Variants in PRRG4 observed in about 807,000 individuals in gnomAD.
PRRG4 encodes the protein proline rich and Gla domain 4.
In PRRG4, 12 loss-of-function variants were observed where a neutral mutation model predicts 20.0. The ratio of observed to expected loss-of-function variants is 0.60; its 90% confidence interval spans 0.38 to 0.97. The LOEUF (loss-of-function observed/expected upper bound fraction) is 0.97, where lower values mean the gene tolerates loss of function less well. Among genes scored for constraint, PRRG4 ranks in the 50% least tolerant of loss-of-function variants. The pLI is 0.00. For synonymous variants in PRRG4, 94 were observed against 96.4 expected, an observed-to-expected ratio of 0.98 and a Z score of 0.15; for missense variants, 199 against 265.1, an observed-to-expected ratio of 0.75 and a Z score of 1.73.
intron 3 of PRRG4, among the ~76,000 whole-genome samples, chr11:32,838,398 GTGAGCCA>G (rs1397651287): frequency 6.6e-6 from 1 of 151,906 alleles, no homozygotes; most frequent in African/African-American, 2.4e-5. Context: ...CAAGGCTGCA[GTGAGCCA>G]TGATCACACC....
intron 2 of PRRG4, among the ~76,000 whole-genome samples, chr11:32,833,179 A>C (rs1205709523): frequency 2.0e-5 from 3 of 152,246 alleles, no homozygotes; most frequent in African/African-American, 7.2e-5. Flanking sequence ...TGGCACCAAA[A>C]GTCAGTCAGT....
chr11:32,841,450 A>T (rs1851078045), intron 5 of PRRG4, among the ~76,000 whole-genome samples: 1 of 152,312 alleles, frequency 6.6e-6, no homozygotes, highest in East Asian at 1.9e-4. Flanking sequence ...TGACATGACA[A>T]TTAATGCAAT....
rs149288261 is a variant in PRRG4, at chr11:32,847,170, G to A, written c.450-6126G>A. 3.5e-3 allele frequency among the ~76,000 whole-genome samples: 536 copies of A among 151,912 alleles called. 6 individuals carry two copies. The highest frequency in any genetic ancestry group is 0.012 in the African/African-American group (515 of 41,434). On this transcript the variant is annotated intron_variant, in intron 5 of 5. Transcript: ENST00000257836. Reference sequence around the variant, plus strand: ...TTTATTTTTTTTGAGACAGAGTTTCGCTCTTGTTGCCCAGGCTGGAGTGCA... The same window carrying A: ...TTTATTTTTTTTGAGACAGAGTTTCACTCTTGTTGCCCAGGCTGGAGTGCA...
In PRRG4 at chr11:32,855,285, TG is replaced by T; in HGVS notation, c.*1761del. 6.6e-6 allele frequency: 1 copy of T among 152,226 alleles called. No individual in the cohort carries two copies. Among genetic ancestry groups the T allele is most frequent in the East Asian group, 1.9e-4 (1 of 5,186 alleles). 9.4% of individuals were successfully genotyped at this position (152,226 alleles called of 1,614,324 possible). On this transcript the variant is annotated 3_prime_UTR_variant, in exon 6 of 6. Coordinates refer to ENST00000257836, the MANE Select transcript of PRRG4 (RefSeq NM_024081.6). ...GTATATGCACACAAATTTATCTGGGTGGGTATGTAGGTATATGTGAGTTTGT... is the reference window on the plus strand; with the variant it reads ...GTATATGCACACAAATTTATCTGGGTGGTATGTAGGTATATGTGAGTTTGT...
rs572699924 is a variant in PRRG4 at position 32,842,979 on chromosome 11, G to A, written c.449+2740G>A. On this transcript the variant is annotated intron_variant, in intron 5 of 5. Coordinates refer to ENST00000257836, the MANE Select transcript of PRRG4 (RefSeq NM_024081.6). ...CAATTCCCCTGCCTCAGTCTCCTGA[G>A]TAGCTAGGATTACAGGCGTGTGCCA... 1.3e-3 allele frequency among the ~76,000 whole-genome samples: 201 copies of A among 151,892 alleles called. 2 individuals carry two copies. The highest frequency in any genetic ancestry group is 0.012 in the Admixed American group (181 of 15,236).
At chr11:32,839,051 A>G in intron 4 of PRRG4, 121 bp downstream of exon 4, 2 of 682,298 alleles carry the variant, frequency 2.9e-6, no homozygotes, top group Non-Finnish European at 5.2e-6. Context: ...ATCCAAGGAG[A>G]TTTCTCAACT....
intron 5 of PRRG4, among the ~76,000 whole-genome samples, chr11:32,842,078 G>A (rs1359564354): frequency 1.3e-5 from 2 of 152,102 alleles, no homozygotes; most frequent in Non-Finnish European, 2.9e-5. Context: ...ATAAAAATAG[G>A]CCTATAAGAA....
At chr11:32,844,190 G>A (rs903995564) in intron 5 of PRRG4, among the ~76,000 whole-genome samples, 37 of 152,090 alleles carry the variant, frequency 2.4e-4, no homozygotes, top group African/African-American at 7.7e-4. Context: ...CTAGCCGTTT[G>A]ACTTTGGAAA....
chr11:32,830,735 T>G (rs1850963031), intron 2 of PRRG4, 103 bp downstream of exon 2: 14 of 1,541,460 alleles, frequency 9.1e-6, no homozygotes, highest in Non-Finnish European at 1.2e-5. Flanking sequence ...ATAGAAACAC[T>G]AAAATATCCT....
intron 2 of PRRG4, among the ~76,000 whole-genome samples, chr11:32,832,463 G>A (rs1328865795): frequency 6.8e-6 from 1 of 147,608 alleles, no homozygotes; most frequent in African/African-American, 2.5e-5. Flanking sequence ...GGAAATAAAG[G>A]ACCTTTGGTG....
chr11:32,847,065 G>A (rs749866183), intron 5 of PRRG4, among the ~76,000 whole-genome samples: 15 of 152,042 alleles, frequency 9.9e-5, no homozygotes, highest in Middle Eastern at 6.8e-3. Context: ...CTTCTGTGCT[G>A]AAGAAATATA....
intron 5 of PRRG4, among the ~76,000 whole-genome samples, chr11:32,846,836 A>C (rs1369734559): frequency 6.6e-6 from 1 of 152,020 alleles, no homozygotes; most frequent in Non-Finnish European, 1.5e-5. Context: ...CGTGTCTACT[A>C]AAAATACAAA....
Position 32,855,265 on chromosome 11 carries a change from T to TG in PRRG4, c.*1739dup. On this transcript the variant is annotated 3_prime_UTR_variant, in exon 6 of 6. Transcript: ENST00000257836. Reference sequence around the variant, plus strand: ...ATAAGCTATAAATTTCTGGAGTATATGCACACAAATTTATCTGGGTGGGTA... The same window carrying TG: ...ATAAGCTATAAATTTCTGGAGTATATGGCACACAAATTTATCTGGGTGGGTA... 6.6e-6 allele frequency: 1 copy of TG among 152,302 alleles called. No individual in the cohort carries two copies. Among genetic ancestry groups the TG allele is most frequent in the Admixed American group, 6.5e-5 (1 of 15,302 alleles). 9.4% of individuals were successfully genotyped at this position (152,302 alleles called of 1,614,324 possible).
At chr11:32,830,223 G>A (rs1850954065) in intron 1 of PRRG4, 50 bp downstream of exon 1, 3 of 1,071,378 alleles carry the variant, frequency 2.8e-6, no homozygotes, top group Non-Finnish European at 3.4e-6. Context: ...TACCTGGAAG[G>A]GGCCACCTCG....
chr11:32,844,745 C>T (rs1268017285), intron 5 of PRRG4, among the ~76,000 whole-genome samples: 4 of 152,096 alleles, frequency 2.6e-5, no homozygotes, highest in Non-Finnish European at 5.9e-5. Flanking sequence ...AAGTAATCCT[C>T]GTGCCTTGGC....
In PRRG4 at chr11:32,855,492, T is replaced by C. The variant is rs1851222270; in HGVS notation, c.*1965T>C. The stretch of plus-strand genomic sequence containing the variant: ...TGAGACTGCAAACCCACATGTTTGA[T>C]AGTTCCTACCAAATTAAAAGTTTAG... On this transcript the variant is annotated 3_prime_UTR_variant, in exon 6 of 6. Coordinates refer to ENST00000257836, the MANE Select transcript of PRRG4 (RefSeq NM_024081.6). 2 of 152,240 alleles carry C rather than the reference T, an allele frequency of 1.3e-5. No homozygotes were observed. Among genetic ancestry groups the C allele is most frequent in the South Asian group, 4.1e-4 (2 of 4,834 alleles). 9.4% of individuals were successfully genotyped at this position (152,240 alleles called of 1,614,324 possible).
At chr11:32,850,999 G>A (rs1851178321) in intron 5 of PRRG4, among the ~76,000 whole-genome samples, 2 of 152,144 alleles carry the variant, frequency 1.3e-5, no homozygotes, top group Non-Finnish European at 2.9e-5. Flanking sequence ...CTTGAACCTG[G>A]GAGGTGGAGG....
At chr11:32,833,730 A>T (rs1850995743) in intron 2 of PRRG4, among the ~76,000 whole-genome samples, 2 of 152,194 alleles carry the variant, frequency 1.3e-5, no homozygotes, top group Admixed American at 1.3e-4. Context: ...TTCAGTCAGT[A>T]ATTTTTTGAG....
At position 32,856,981 on chromosome 11, in the gene PRRG4, CTCGGTACACCTGGCTAAT is replaced by C. The variant is rs1851231948; in HGVS notation, c.*3456_*3473del. ...TAAGTAGCTGGGACCACAGGTGCAC[CTCGGTACACCTGGCTAAT>C]TTTTGTGTTTTTTGTAGAGACAGGG... On this transcript the variant is annotated 3_prime_UTR_variant, in exon 6 of 6. Coordinates refer to ENST00000257836, the MANE Select transcript of PRRG4 (RefSeq NM_024081.6). 1 of 151,862 alleles carries C rather than the reference CTCGGTACACCTGGCTAAT, an allele frequency of 6.6e-6. No homozygotes were observed. The highest frequency in any genetic ancestry group is 2.4e-5 in the African/African-American group (1 of 41,256). 9.4% of individuals were successfully genotyped at this position (151,862 alleles called of 1,614,324 possible).
Sources: allele counts gnomAD v4.1 joint callset (sites outside exome capture counted in the v4.1 genomes callset), GRCh38; gene constraint gnomAD v4.1.1; transcripts MANE v1.5; gene names NCBI Gene and HGNC (gene_info 2026-07-23, HGNC 2026-07-21).